The following RPA1 variants were observed in gnomAD, a reference collection of about 807,000 sequenced individuals.
RPA1 encodes the protein replication protein A1.
RPA1 carries 49 observed loss-of-function variants against 83.0 expected under a neutral mutation model. That is an observed-to-expected ratio of 0.59 (90% CI 0.47 to 0.75). The LOEUF is 0.75. Among genes scored for constraint, RPA1 ranks in the 30% least tolerant of loss-of-function variants. The pLI is 0.00. For synonymous variants in RPA1, 279 were observed against 281.8 expected (o/e 0.99, Z 0.10); for missense variants, 693 against 776.1 (o/e 0.89, Z 1.27).
chr17:1,887,071 A>C (rs1475482893), intron 13 of RPA1, among the ~76,000 whole-genome samples: 1 of 152,100 alleles, frequency 6.6e-6, no homozygotes, highest in Non-Finnish European at 1.5e-5. Flanking sequence ...TTGATATTCT[A>C]TCTAGACCAC....
chr17:1,859,030 G>A (rs1327923340), intron 5 of RPA1, among the ~76,000 whole-genome samples: 1 of 151,454 alleles, frequency 6.6e-6, no homozygotes, highest in Non-Finnish European at 1.5e-5. Flanking sequence ...AGCCTCCCAG[G>A]TAGCTAGGAC....
At chr17:1,859,658 T>A (rs2151278337) in intron 5 of RPA1, among the ~76,000 whole-genome samples, 1 of 151,844 alleles carries the variant, frequency 6.6e-6, no homozygotes, top group East Asian at 2.0e-4. Context: ...AGAGACAACA[T>A]CTTGCTCTGT....
At chr17:1,895,203 C>G in intron 16 of RPA1, 108 bp downstream of exon 16, 1 of 793,022 alleles carries the variant, frequency 1.3e-6, no homozygotes, top group East Asian at 2.8e-5. Flanking sequence ...CACTGCCAGA[C>G]CCCGGTGCTG....
Position 1,898,255 on chromosome 17 carries a change from AAAAAC to A in RPA1, c.*1085_*1089del. ...GCATCTTTCAAAGCATGAAAACACT[AAAAAC>A]AAAAAGCCATTTTGCCTGAGGATGC... On this transcript the variant is annotated 3_prime_UTR_variant, in exon 17 of 17. Transcript: ENST00000254719. 6.6e-6 allele frequency: 1 copy of A among 152,236 alleles called. No individual in the cohort carries two copies. Among genetic ancestry groups the A allele is most frequent in the East Asian group, 1.9e-4 (1 of 5,202 alleles). 9.4% of individuals were successfully genotyped at this position (152,236 alleles called of 1,614,324 possible). A position where few individuals can be genotyped will look rare whatever the true frequency, so the allele number is the denominator to read the frequency against.
At chr17:1,873,359 T>A (rs769402836) in intron 6 of RPA1, among the ~76,000 whole-genome samples, 3 of 152,236 alleles carry the variant, frequency 2.0e-5, no homozygotes, top group Non-Finnish European at 4.4e-5. Context: ...GCCTTTACTT[T>A]AGGAACCTCT....
At chr17:1,843,480 C>T (rs552693088) in intron 2 of RPA1, among the ~76,000 whole-genome samples, 2 of 151,900 alleles carry the variant, frequency 1.3e-5, no homozygotes, top group Non-Finnish European at 2.9e-5. Context: ...ACATCACTTA[C>T]GTCTCTCTGC....
chr17:1,875,846 T>C, intron 7 of RPA1, 53 bp downstream of exon 7: 1 of 1,546,322 alleles, frequency 6.5e-7, no homozygotes, highest in South Asian at 1.2e-5. Context: ...TCGGAGAAGC[T>C]ATTATGGACT....
rs113951889 is a variant in RPA1 at position 1,886,132 on chromosome 17, G to A, written c.1374+2188G>A. On this transcript the variant is annotated intron_variant, in intron 13 of 16. Transcript: ENST00000254719. ...GCATTGTCAATATATTAATCTCCTC[G>A]TACTGTGTGTCTCCATTGAGCTCTC... Among the ~76,000 whole-genome samples the A allele has an allele frequency of 7.0e-3, 1,059 of 151,068 alleles. 6 individuals carry two copies. The highest frequency in any genetic ancestry group is 0.024 in the African/African-American group (999 of 41,002).
At chr17:1,843,562 G>A (rs1435565039) in intron 2 of RPA1, among the ~76,000 whole-genome samples, 1 of 150,740 alleles carries the variant, frequency 6.6e-6, no homozygotes, top group African/African-American at 2.4e-5. Context: ...TTTTTAGCAT[G>A]TTTCCTACAC....
intron 13 of RPA1, among the ~76,000 whole-genome samples, chr17:1,887,162 T>G (rs900915261): frequency 6.6e-6 from 1 of 152,166 alleles, no homozygotes; most frequent in Non-Finnish European, 1.5e-5. Context: ...AATACTTGAT[T>G]GGAGGATCAG....
At chr17:1,850,952 C>A (rs1259707684) in intron 4 of RPA1, among the ~76,000 whole-genome samples, 2 of 151,848 alleles carry the variant, frequency 1.3e-5, no homozygotes, top group Non-Finnish European at 2.9e-5. Flanking sequence ...TTTTAAAAAT[C>A]TTTTTTCTGG....
chr17:1,837,387 G>T (rs1911866879), intron 1 of RPA1, among the ~76,000 whole-genome samples: 1 of 152,050 alleles, frequency 6.6e-6, no homozygotes. Context: ...TTGCACATTT[G>T]GGTTATTTTC....
chr17:1,888,439 A>C (rs1914074410), intron 13 of RPA1, among the ~76,000 whole-genome samples: 1 of 152,206 alleles, frequency 6.6e-6, no homozygotes, highest in Non-Finnish European at 1.5e-5. Context: ...TTGTGAAGGA[A>C]TTATCTGCCT....
chr17:1,863,175 G>A (rs1011204753), intron 5 of RPA1, among the ~76,000 whole-genome samples: 9 of 98,692 alleles, frequency 9.1e-5, no homozygotes, highest in East Asian at 3.1e-4. Context: ...GAACCACCAC[G>A]CCCAACTAAT....
Position 1,869,602 on chromosome 17 carries a change from G to C in RPA1, c.362-2832G>C, listed in dbSNP as rs540946737. On this transcript the variant is annotated intron_variant, in intron 5 of 16. Coordinates refer to ENST00000254719, the MANE Select transcript of RPA1 (RefSeq NM_002945.5). ...GCCAGTGATATGTAAAGCTAGCATA[G>C]AGCAAAAGAGTCTGAGAACCATGAT... Among the ~76,000 whole-genome samples the C allele has an allele frequency of 3.5e-4, 53 of 152,230 alleles. 1 individual carries two copies. In the South Asian group the frequency reaches 0.011, roughly 30 times the overall value.
intron 5 of RPA1, among the ~76,000 whole-genome samples, chr17:1,860,327 T>G (rs1180410122): frequency 1.3e-5 from 2 of 152,144 alleles, no homozygotes; most frequent in East Asian, 1.9e-4. Context: ...CTTTTCTTTT[T>G]ATTTGTAGGG....
chr17:1,883,875 C>T lies in RPA1; in HGVS notation c.1305C>T (p.Val435=), dbSNP rs543713441. The T allele has an allele frequency of 6.2e-6, 10 of 1,614,078 alleles. No homozygotes were observed. Among genetic ancestry groups the T allele is most frequent in the African/African-American group, 5.3e-5 (4 of 75,002 alleles). The change falls in exon 13 of 17, where the codon GTC becomes GTT. Residue 435 remains valine, a synonymous_variant. Coordinates refer to ENST00000254719, the MANE Select transcript of RPA1 (RefSeq NM_002945.5). ...VSISDLKSGG[V]GGSNTNWKTL... ...TCTCTGATCTAAAGAGCGGCGGAGT[C>T]GGAGGGAGTAACACCAACTGGAAAA...
intron 5 of RPA1, among the ~76,000 whole-genome samples, chr17:1,854,552 A>T (rs1849355200): frequency 6.6e-6 from 1 of 151,990 alleles, no homozygotes; most frequent in Admixed American, 6.6e-5. Flanking sequence ...ATTTTTTAAA[A>T]ACTTAGCCAG....
intron 4 of RPA1, among the ~76,000 whole-genome samples, chr17:1,848,562 G>A (rs111398993): frequency 0.063 from 9,528 of 151,788 alleles, 383 homozygotes; most frequent in Middle Eastern, 0.14. Flanking sequence ...AGTGAGTCAA[G>A]ATTGCGCCAT....
Sources: gnomAD v4.1 joint callset for allele counts (sites outside exome capture counted in the v4.1 genomes callset) on GRCh38, gnomAD v4.1.1 for gene constraint, MANE v1.5 for transcripts, NCBI Gene and HGNC (gene_info 2026-07-23, HGNC 2026-07-21) for gene names.